TEX9: variants seen among roughly 807,000 people sequenced by gnomAD.
TEX9 encodes testis-expressed protein 9.
In TEX9, 74 loss-of-function variants were observed where a neutral mutation model predicts 59.6. The observed-to-expected ratio is 1.24, with a 90% confidence interval of 1.03 to 1.51. The LOEUF (loss-of-function observed/expected upper bound fraction) is 1.51, where lower values mean the gene tolerates loss of function less well. Ranked by LOEUF, TEX9 falls within the 40% of genes most tolerant of loss-of-function variation. The probability of loss-of-function intolerance (pLI) is 0.00; values close to 1 mark genes in which losing one functional copy is unlikely to be tolerated. For missense variants in TEX9, 522 were observed against 447.8 expected (o/e 1.17, Z -1.49); for synonymous variants, 186 against 152.2 (o/e 1.22, Z -1.64).
chr15:56,412,385 A>G (rs1431313881), exon 10 of TEX9: 1 of 1,613,326 alleles, frequency 6.2e-7, no homozygotes, highest in Non-Finnish European at 8.5e-7. Flanking sequence ...GAGCTCTAGA[A>G]GAAGCAGAAA....
At chr15:56,448,933 T>G (rs2050928065), downstream of TEX9, among the ~76,000 whole-genome samples, 1 of 151,996 alleles carries the variant, frequency 6.6e-6, no homozygotes, top group Non-Finnish European at 1.5e-5. Context: ...TTTTGTATTT[T>G]GAGTACAGAT....
chr15:56,417,811 G>T (rs2049770548), intron 10 of TEX9, among the ~76,000 whole-genome samples: 1 of 151,870 alleles, frequency 6.6e-6, no homozygotes. Context: ...TATTGTGTGA[G>T]AGTCTATGTC....
chr15:56,401,667 C>CAAAT (rs2048791778), intron 9 of TEX9, among the ~76,000 whole-genome samples: 1 of 151,608 alleles, frequency 6.6e-6, no homozygotes, highest in South Asian at 2.1e-4. Context: ...ACTCTCCACC[C>CAAAT]CAACAGAATA....
chr15:56,450,133 C>T (rs1204593286), downstream of TEX9, among the ~76,000 whole-genome samples: 12 of 152,262 alleles, frequency 7.9e-5, no homozygotes, highest in South Asian at 1.7e-3. Flanking sequence ...TCTAGTAATT[C>T]CAGATGGAGT....
intron 12 of TEX9, among the ~76,000 whole-genome samples, chr15:56,430,881 C>T (rs1208730342): frequency 4.6e-5 from 7 of 152,150 alleles, no homozygotes; most frequent in African/African-American, 1.7e-4. Flanking sequence ...CTCTAAAATA[C>T]AAACTCAGGC....
chr15:56,382,630 G>A (rs34260369), intron 3 of TEX9, among the ~76,000 whole-genome samples: 6,274 of 152,182 alleles, frequency 0.041, 176 homozygotes, highest in Non-Finnish European at 0.059. Context: ...ATTCCCTCTT[G>A]GCCCAGGATG....
chr15:56,452,131 G>T, the TEX9 span, among the ~76,000 whole-genome samples: 2 of 152,072 alleles, frequency 1.3e-5, no homozygotes, highest in Admixed American at 1.3e-4. Flanking sequence ...CTGTGTTGGG[G>T]GTTCCCAAGA....
At chr15:56,296,224 A>C (rs1441286208) in intron 1 of TEX9, among the ~76,000 whole-genome samples, 3 of 152,188 alleles carry the variant, frequency 2.0e-5, no homozygotes, top group African/African-American at 7.2e-5. Flanking sequence ...ATTCCATATA[A>C]TACCTTGTAA....
chr15:56,379,104 AAAAG>A (rs1307926596), intron 3 of TEX9, among the ~76,000 whole-genome samples: 1 of 151,688 alleles, frequency 6.6e-6, no homozygotes, highest in Non-Finnish European at 1.5e-5. Context: ...AAAAAAAAAG[AAAAG>A]AAAGAAAGAA....
intron 9 of TEX9, among the ~76,000 whole-genome samples, chr15:56,405,951 A>G (rs1271443733): frequency 6.6e-6 from 1 of 152,208 alleles, no homozygotes; most frequent in Non-Finnish European, 1.5e-5. Context: ...AATCAACTTT[A>G]TTGAAGAATA....
intron 1 of TEX9, among the ~76,000 whole-genome samples, chr15:56,318,122 C>A (rs1390160340): frequency 6.6e-6 from 1 of 152,046 alleles, no homozygotes; most frequent in Non-Finnish European, 1.5e-5. Flanking sequence ...TCCTTCAATT[C>A]TCTCAATCTT....
chr15:56,442,835 A>G lies in TEX9; in HGVS notation c.*30-2836A>G, dbSNP rs907421735. ...AATAATGTTACACCAAATCCCCATG[A>G]CCCACAAATTTACCCCTGTAACAAA... On this transcript the variant is annotated intron_variant, in intron 12 of 12. Transcript: ENST00000352903. 7.2e-5 allele frequency among the ~76,000 whole-genome samples: 11 copies of G among 151,832 alleles called. 1 individual carries two copies. The highest frequency in any genetic ancestry group is 6.6e-4 in the Admixed American group (10 of 15,230).
At chr15:56,254,106 A>C (rs192932080) in intron 1 of TEX9, among the ~76,000 whole-genome samples, 224 of 152,268 alleles carry the variant, frequency 1.5e-3, no homozygotes, top group African/African-American at 5.3e-3. Flanking sequence ...CCTCTACCAA[A>C]TCTTATGAAA....
chr15:56,305,899 T>C (rs1285872492), intron 1 of TEX9, among the ~76,000 whole-genome samples: 4 of 152,062 alleles, frequency 2.6e-5, no homozygotes, highest in Non-Finnish European at 5.9e-5. Flanking sequence ...AACCAGAATA[T>C]ATAAGAAGGT....
intron 1 of TEX9, among the ~76,000 whole-genome samples, chr15:56,348,986 A>T (rs575401574): frequency 6.6e-6 from 1 of 151,964 alleles, no homozygotes; most frequent in South Asian, 2.1e-4. Flanking sequence ...CAGGTTCACT[A>T]ACCATTTCCT....
At chr15:56,347,092 T>C (rs538780738) in intron 1 of TEX9, among the ~76,000 whole-genome samples, 1 of 152,158 alleles carries the variant, frequency 6.6e-6, no homozygotes, top group East Asian at 1.9e-4. Context: ...AGGATCAGAA[T>C]AAATGGAAAG....
At chr15:56,277,563 T>C (rs182781475) in intron 1 of TEX9, among the ~76,000 whole-genome samples, 1 of 152,356 alleles carries the variant, frequency 6.6e-6, no homozygotes, top group East Asian at 1.9e-4. Context: ...ACTATGCTGT[T>C]TTGGTTACTG....
At position 56,254,146 on chromosome 15, in the gene TEX9, A is replaced by G. The variant is rs566458237; in HGVS notation, c.-107+9868A>G. Among the ~76,000 whole-genome samples the G allele has an allele frequency of 6.6e-5, 10 of 152,252 alleles. No individual in the cohort carries two copies. In the South Asian group the frequency reaches 1.9e-3, roughly 28 times the overall value. On this transcript the variant is annotated intron_variant, in intron 1 of 5. Transcript: ENST00000560827. ...AGAAAAGATTAAAGGGGGTGAGGTT[A>G]ATTGGTAACAGGACAGGGGACAAGA...
chr15:56,430,483 G>A (rs2050557401), intron 12 of TEX9, among the ~76,000 whole-genome samples: 1 of 152,140 alleles, frequency 6.6e-6, no homozygotes, highest in Admixed American at 6.6e-5. Context: ...TGGGATTATA[G>A]GCATGAGTTG....
Sources: gnomAD v4.1 joint callset for allele counts (sites outside exome capture counted in the v4.1 genomes callset) on GRCh38, gnomAD v4.1.1 for gene constraint, MANE v1.5 for transcripts, NCBI Gene and HGNC (gene_info 2026-07-23, HGNC 2026-07-21) for gene names.